Variants in RIMBP2 observed in about 807,000 individuals in gnomAD.
RIMBP2 encodes the protein RIMS binding protein 2.
Under a neutral mutation model 118.6 loss-of-function variants are expected in RIMBP2, and 48 were observed. The ratio of observed to expected loss-of-function variants is 0.40; its 90% CI spans 0.32 to 0.51. The LOEUF (loss-of-function observed/expected upper bound fraction) is 0.51, where lower values mean the gene tolerates loss of function less well. RIMBP2 is among the 20% of genes least tolerant of loss of function. The pLI is 0.41. For synonymous variants in RIMBP2, 762 were observed against 742.9 expected (o/e 1.03, Z -0.42); for missense variants, 1,551 against 1,768.3 (o/e 0.88, Z 2.20).
intron 2 of RIMBP2, among the ~76,000 whole-genome samples, 152 bp downstream of exon 2, chr12:130,628,170 C>T (rs1346214681): frequency 6.6e-6 from 1 of 152,204 alleles, no homozygotes; most frequent in East Asian, 1.9e-4. Flanking sequence ...AACACATCTG[C>T]TCTGTTTACT....
intron 4 of RIMBP2, among the ~76,000 whole-genome samples, chr12:130,492,653 A>G (rs1453233012): frequency 6.6e-6 from 1 of 152,192 alleles, no homozygotes. Flanking sequence ...TTGGCCAGCC[A>G]AGTAGAGGGG....
intron 2 of RIMBP2, among the ~76,000 whole-genome samples, chr12:130,603,046 C>T (rs1367140684): frequency 6.6e-6 from 1 of 152,104 alleles, no homozygotes; most frequent in Non-Finnish European, 1.5e-5. Context: ...CCAAAATTGG[C>T]ACCATATTTC....
chr12:130,500,292 T>C (rs1025403664), intron 4 of RIMBP2, among the ~76,000 whole-genome samples: 2 of 152,096 alleles, frequency 1.3e-5, no homozygotes, highest in Non-Finnish European at 2.9e-5. Flanking sequence ...ACCCCATCTC[T>C]ACTAAAAATA....
At chr12:130,639,538 A>C (rs2062520651) in intron 1 of RIMBP2, among the ~76,000 whole-genome samples, 1 of 147,292 alleles carries the variant, frequency 6.8e-6, no homozygotes, top group African/African-American at 2.5e-5. Context: ...CATTTTTTTC[A>C]AAACTGACCA....
In RIMBP2 at chr12:130,450,589, G is replaced by A. The variant is rs369393795; in HGVS notation, c.505-313C>T. 7.9e-5 allele frequency among the ~76,000 whole-genome samples: 12 copies of A among 151,984 alleles called. No individual in the cohort carries two copies. The highest frequency in any genetic ancestry group is 5.8e-4 in the East Asian group (3 of 5,144). ...AGCAATCCCGGGAGTCAGCGGCGTG[G>A]CCTTTTCTCATAGGGGTGGGGGTAA... On this transcript the variant is annotated intron_variant, in intron 8 of 22. Coordinates refer to ENST00000690449, the MANE Select transcript of RIMBP2 (RefSeq NM_001393629.1). This position sits in a 1 kb window ranked among gnomAD's most constrained non-coding sequence, Gnocchi z 4.8.
intron 1 of RIMBP2, among the ~76,000 whole-genome samples, chr12:130,681,660 C>T (rs2064792284): frequency 6.6e-6 from 1 of 152,168 alleles, no homozygotes; most frequent in Non-Finnish European, 1.5e-5. Context: ...AACTCTTTAT[C>T]CATCCCTCAC....
intron 1 of RIMBP2, among the ~76,000 whole-genome samples, chr12:130,646,953 G>C (rs770802546): frequency 5.3e-5 from 8 of 152,246 alleles, no homozygotes; most frequent in Non-Finnish European, 1.0e-4. Context: ...TCCTGGCCTA[G>C]AGGCCCAGCC....
chr12:130,435,489 G>A (rs1004496814), intron 13 of RIMBP2, among the ~76,000 whole-genome samples: 5 of 151,980 alleles, frequency 3.3e-5, no homozygotes, highest in African/African-American at 7.2e-5. Context: ...TTTCTCTCCC[G>A]CCCCAGGCTT....
chr12:130,575,456 T>G (rs976139301), intron 2 of RIMBP2, among the ~76,000 whole-genome samples: 6 of 152,058 alleles, frequency 3.9e-5, no homozygotes, highest in African/African-American at 1.4e-4. Context: ...ATGTGACATT[T>G]CCATCAAAGT....
In RIMBP2 at chr12:130,436,770, G is replaced by A. The variant is rs1394902089; in HGVS notation, c.2106+72C>T. On this transcript the variant is annotated intron_variant, in intron 13 of 22. Transcript: ENST00000690449. ...GATGCGGGTCCCCCTCCATGGGCTG[G>A]GGAGATTACAGGGCCCCGTCCCGTG... The A allele has an allele frequency of 3.2e-6, 4 of 1,239,120 alleles. No individual in the cohort carries two copies. In the African/African-American group the frequency reaches 4.7e-5, roughly 15 times the overall value. 76.8% of individuals were successfully genotyped at this position (1,239,120 alleles called of 1,614,324 possible). A position where few individuals can be genotyped will look rare whatever the true frequency, so the allele number is the denominator to read the frequency against.
chr12:130,551,219 T>A (rs1032484731), intron 2 of RIMBP2, among the ~76,000 whole-genome samples: 5 of 152,164 alleles, frequency 3.3e-5, no homozygotes, highest in Non-Finnish European at 7.3e-5. Flanking sequence ...AAGCCACACC[T>A]GGAAAACAGG....
chr12:130,468,352 G>A (rs952023393), intron 6 of RIMBP2, among the ~76,000 whole-genome samples: 3 of 152,192 alleles, frequency 2.0e-5, no homozygotes, highest in African/African-American at 7.2e-5. Context: ...CCAACCTTGG[G>A]CCCCTCCCTG....
rs2082528338 is a variant in RIMBP2 at position 130,486,783 on chromosome 12, T to TGTGTCCAACGCTGCCACCTCATCTCTCCC, written c.-3-7796_-3-7768dup. On this transcript the variant is annotated intron_variant, in intron 4 of 22. Coordinates refer to ENST00000690449, the MANE Select transcript of RIMBP2 (RefSeq NM_001393629.1). Reference sequence around the variant, plus strand: ...CCCACCCATGTCTGCCGTTCTCTCCTGTGTCCAACGCTGCCACCTCATCTC... The same window carrying TGTGTCCAACGCTGCCACCTCATCTCTCCC: ...CCCACCCATGTCTGCCGTTCTCTCCTGTGTCCAACGCTGCCACCTCATCTCTCCCGTGTCCAACGCTGCCACCTCATCTC... Among the ~76,000 whole-genome samples, 3 of 151,234 alleles carry TGTGTCCAACGCTGCCACCTCATCTCTCCC rather than the reference T, an allele frequency of 2.0e-5. No homozygotes were observed. The South Asian group carries it at 6.3e-4, about 32-fold the overall frequency.
intron 2 of RIMBP2, among the ~76,000 whole-genome samples, chr12:130,522,724 G>T (rs1416437691): frequency 6.6e-6 from 1 of 152,126 alleles, no homozygotes; most frequent in Non-Finnish European, 1.5e-5. Context: ...GGAGGAGGAG[G>T]TGGGTTTCCA....
At chr12:130,519,465 G>A (rs553776198) in intron 2 of RIMBP2, among the ~76,000 whole-genome samples, 45 of 152,336 alleles carry the variant, frequency 3.0e-4, no homozygotes, top group African/African-American at 1.0e-3. Flanking sequence ...TGATAATGGA[G>A]CAATTCCCTT....
At chr12:130,696,976 G>A (rs2065602746) in intron 1 of RIMBP2, among the ~76,000 whole-genome samples, 1 of 152,200 alleles carries the variant, frequency 6.6e-6, no homozygotes, top group African/African-American at 2.4e-5. Context: ...GGGGCTGTAA[G>A]GTGGGCAGGA....
chr12:130,562,546 G>A (rs1195688099), intron 2 of RIMBP2, among the ~76,000 whole-genome samples: 1 of 152,184 alleles, frequency 6.6e-6, no homozygotes, highest in Non-Finnish European at 1.5e-5. Context: ...AGTACTTCTG[G>A]AAGCTCACAT....
chr12:130,542,312 T>C (rs933530964), intron 2 of RIMBP2, among the ~76,000 whole-genome samples: 7 of 152,104 alleles, frequency 4.6e-5, no homozygotes, highest in Admixed American at 1.3e-4. Flanking sequence ...GTAGGGAAGA[T>C]AGATGGGTGA....
intron 1 of RIMBP2, among the ~76,000 whole-genome samples, chr12:130,699,495 G>T (rs984684231): frequency 3.4e-5 from 5 of 146,524 alleles, no homozygotes; most frequent in Non-Finnish European, 5.9e-5. Flanking sequence ...ACCAAACGCC[G>T]CATGTTCTCA....
Sources: allele counts gnomAD v4.1 joint callset (sites outside exome capture counted in the v4.1 genomes callset), GRCh38; gene constraint gnomAD v4.1.1; non-coding constraint Gnocchi (gnomAD v3.1); transcripts MANE v1.5; gene names NCBI Gene and HGNC (gene_info 2026-07-23, HGNC 2026-07-21).